The following AGMO variants were observed in gnomAD, a reference collection of about 807,000 sequenced individuals.
AGMO encodes the protein alkylglycerol monooxygenase, also known as glyceryl-ether monooxygenase.
Under a neutral mutation model 60.2 loss-of-function variants are expected in AGMO, and 75 were observed. The observed-to-expected ratio is 1.25, with a 90% confidence interval of 1.03 to 1.51. The LOEUF is 1.51. AGMO is among the 40% of genes most tolerant of loss of function. The probability of loss-of-function intolerance (pLI) is 0.00; values close to 1 mark genes in which losing one functional copy is unlikely to be tolerated. For synonymous variants in AGMO, 261 were observed against 177.1 expected (o/e 1.47, Z -3.76); for missense variants, 763 against 525.5 (o/e 1.45, Z -4.42).
the AGMO span, among the ~76,000 whole-genome samples, chr7:15,172,039 C>T: frequency 1.3e-5 from 2 of 151,252 alleles, no homozygotes; most frequent in Non-Finnish European, 3.0e-5. Flanking sequence ...GTGATGTGCT[C>T]TTTTTTTTTA....
intron 12 of AGMO, among the ~76,000 whole-genome samples, chr7:15,284,863 CA>C (rs1199174584): frequency 6.6e-6 from 1 of 151,896 alleles, no homozygotes; most frequent in East Asian, 1.9e-4. Context: ...AACAACACAT[CA>C]AAAAGATAAT....
chr7:15,440,167 T>C (rs1246555598), intron 3 of AGMO, among the ~76,000 whole-genome samples: 2 of 152,184 alleles, frequency 1.3e-5, no homozygotes, highest in Non-Finnish European at 1.5e-5. Flanking sequence ...ATGGTACTTA[T>C]GTCCAATAAG....
intron 5 of AGMO, among the ~76,000 whole-genome samples, chr7:15,406,981 CAT>C (rs1479608390): frequency 7.2e-4 from 100 of 138,838 alleles, no homozygotes; most frequent in African/African-American, 2.3e-3. Context: ...CACATGTACA[CAT>C]GTGTGTGTAT....
At chr7:15,555,140 A>G (rs1785091128) in intron 2 of AGMO, among the ~76,000 whole-genome samples, 1 of 151,280 alleles carries the variant, frequency 6.6e-6, no homozygotes, top group African/African-American at 2.4e-5. Context: ...TACAAAACTA[A>G]AAAAAAATTA....
intron 8 of AGMO, among the ~76,000 whole-genome samples, chr7:15,387,802 G>A (rs1250687302): frequency 6.6e-6 from 1 of 151,660 alleles, no homozygotes; most frequent in Non-Finnish European, 1.5e-5. Context: ...CAATTGTTTA[G>A]ACAATCAGCA....
intron 12 of AGMO, chr7:15,358,244 A>G (rs1253535639): frequency 7.9e-6 from 2 of 251,940 alleles, no homozygotes; most frequent in Non-Finnish European, 1.7e-5. Context: ...TTTATTGAAT[A>G]GATCAATAAA....
chr7:15,442,144 G>C (rs1008276156), intron 3 of AGMO, among the ~76,000 whole-genome samples: 10 of 152,178 alleles, frequency 6.6e-5, no homozygotes, highest in African/African-American at 2.4e-4. Context: ...AAACAGATTG[G>C]TCTATCCTTT....
intron 12 of AGMO, among the ~76,000 whole-genome samples, chr7:15,222,588 C>T (rs1013251281): frequency 4.6e-5 from 7 of 152,102 alleles, no homozygotes; most frequent in Non-Finnish European, 1.5e-5. Context: ...ATAGAAGAAA[C>T]TGTTATGTCT....
At chr7:15,322,879 A>C (rs1316177472) in intron 12 of AGMO, among the ~76,000 whole-genome samples, 1 of 145,250 alleles carries the variant, frequency 6.9e-6, no homozygotes, top group African/African-American at 2.5e-5. Flanking sequence ...AATTATCAAA[A>C]CTCTTTCTTG....
At chr7:15,277,845 A>G (rs1583355666) in intron 12 of AGMO, among the ~76,000 whole-genome samples, 1 of 152,152 alleles carries the variant, frequency 6.6e-6, no homozygotes, top group East Asian at 1.9e-4. Context: ...GGGGTCAGGC[A>G]CAGCTGGCTA....
chr7:15,328,367 G>A (rs1781407812), intron 12 of AGMO, among the ~76,000 whole-genome samples: 1 of 152,166 alleles, frequency 6.6e-6, no homozygotes, highest in Admixed American at 6.6e-5. Context: ...AAAGTGCTGG[G>A]ATTACAGGCG....
At chr7:15,440,041 A>C (rs1397400751) in intron 3 of AGMO, among the ~76,000 whole-genome samples, 1 of 152,214 alleles carries the variant, frequency 6.6e-6, no homozygotes, top group Non-Finnish European at 1.5e-5. Flanking sequence ...CAGGCAAGTG[A>C]AAGAGAAAGC....
At chr7:15,181,929 A>G in the AGMO span, among the ~76,000 whole-genome samples, 1 of 152,270 alleles carries the variant, frequency 6.6e-6, no homozygotes, top group African/African-American at 2.4e-5. Flanking sequence ...TGATAGCAGC[A>G]TTATTCACAA....
At chr7:15,270,663 T>C (rs1461023124) in intron 12 of AGMO, among the ~76,000 whole-genome samples, 11 of 145,924 alleles carry the variant, frequency 7.5e-5, no homozygotes, top group Admixed American at 6.9e-4. Context: ...TTGGGTTTAA[T>C]TAAGTCCCAT....
chr7:15,451,178 A>T (rs1291501827), intron 3 of AGMO, among the ~76,000 whole-genome samples: 1 of 152,168 alleles, frequency 6.6e-6, no homozygotes, highest in Non-Finnish European at 1.5e-5. Context: ...ACAATTTTAT[A>T]GAGAGAGGTA....
At chr7:15,354,423 C>G (rs537352170) in intron 12 of AGMO, among the ~76,000 whole-genome samples, 946 of 27,446 alleles carry the variant, frequency 0.034, 99 homozygotes, top group African/African-American at 0.093. Context: ...TGTGTGTATA[C>G]ACACACGTGT....
intron 3 of AGMO, among the ~76,000 whole-genome samples, chr7:15,473,543 G>T (rs1782511654): frequency 6.6e-6 from 1 of 151,912 alleles, no homozygotes; most frequent in African/African-American, 2.4e-5. Context: ...AATAAACTAG[G>T]TACTGATGGA....
chr7:15,294,699 T>C (rs1784364451), intron 12 of AGMO, among the ~76,000 whole-genome samples: 2 of 152,018 alleles, frequency 1.3e-5, no homozygotes, highest in African/African-American at 4.8e-5. Flanking sequence ...AGATGAAAAC[T>C]GTTCCTATCT....
chr7:15,547,469 G>A (rs1226772671), intron 2 of AGMO, among the ~76,000 whole-genome samples: 2 of 152,004 alleles, frequency 1.3e-5, no homozygotes, highest in Non-Finnish European at 2.9e-5. Context: ...CGCACCGTGC[G>A]CGAGCCGAAG....
Sources: allele counts gnomAD v4.1 joint callset (sites outside exome capture counted in the v4.1 genomes callset), GRCh38; gene constraint gnomAD v4.1.1; transcripts MANE v1.5; gene names NCBI Gene and HGNC (gene_info 2026-07-23, HGNC 2026-07-21).